Variants in GDPD5 observed in about 807,000 individuals in gnomAD.
The protein encoded by GDPD5 is glycerophosphodiester phosphodiesterase domain containing 5.
In GDPD5, 48 loss-of-function variants were observed where a neutral mutation model predicts 75.1. The observed-to-expected ratio is 0.64, with a 90% CI of 0.51 to 0.81. The LOEUF (loss-of-function observed/expected upper bound fraction) is 0.81. Ranked by LOEUF, GDPD5 falls within the 40% of genes least tolerant of loss-of-function variation. The pLI is 0.00. For missense variants in GDPD5, 706 were observed against 822.6 expected, an observed-to-expected ratio of 0.86 and a Z score of 1.73; for synonymous variants, 336 against 339.0, an observed-to-expected ratio of 0.99 and a Z score of 0.10.
intron 1 of GDPD5, among the ~76,000 whole-genome samples, chr11:75,524,318 C>T (rs958149737): frequency 2.6e-5 from 4 of 152,238 alleles, no homozygotes; most frequent in African/African-American, 9.6e-5. Context: ...CATACATGGT[C>T]GCCCAGATCT....
chr11:75,507,160 C>T (rs1474196210), intron 1 of GDPD5: 1 of 152,434 alleles, frequency 6.6e-6, no homozygotes, highest in African/African-American at 2.4e-5. Context: ...CCCACCAATG[C>T]CAGACGCTGC....
chr11:75,480,444 G>C (rs1949886074), intron 2 of GDPD5, among the ~76,000 whole-genome samples: 1 of 152,112 alleles, frequency 6.6e-6, no homozygotes, highest in African/African-American at 2.4e-5. Context: ...GGCCACCTCA[G>C]ACTCCAGGGC....
chr11:75,520,447 C>G (rs1950733619), intron 1 of GDPD5, among the ~76,000 whole-genome samples: 1 of 152,174 alleles, frequency 6.6e-6, no homozygotes, highest in Admixed American at 6.5e-5. Context: ...GGGTGTGGCT[C>G]TGTGCCAGGC....
chr11:75,439,075 G>T (rs1948709462), intron 15 of GDPD5, among the ~76,000 whole-genome samples: 1 of 152,190 alleles, frequency 6.6e-6, no homozygotes, highest in Non-Finnish European at 1.5e-5. Flanking sequence ...AGAGGGGCCA[G>T]GTCAGGAAGC....
At chr11:75,437,319 C>T (rs2135115465) in intron 15 of GDPD5, 1 of 473,802 alleles carries the variant, frequency 2.1e-6, no homozygotes, top group Non-Finnish European at 3.8e-6. Context: ...TTAGTTCTGT[C>T]TCAGGTGTCC....
intron 2 of GDPD5, among the ~76,000 whole-genome samples, chr11:75,482,421 G>A (rs545377499): frequency 6.6e-6 from 1 of 152,232 alleles, no homozygotes; most frequent in East Asian, 1.9e-4. Context: ...GCCTCTGATC[G>A]AGATAGCCAG....
chr11:75,436,839 C>T (rs1239764594), intron 16 of GDPD5, 97 bp downstream of exon 16: 2 of 876,746 alleles, frequency 2.3e-6, no homozygotes, highest in African/African-American at 3.3e-5. Flanking sequence ...CCCATATGTG[C>T]CACATGTGAA....
intron 9 of GDPD5, among the ~76,000 whole-genome samples, chr11:75,446,266 G>A (rs1394937934): frequency 6.6e-6 from 1 of 152,236 alleles, no homozygotes; most frequent in Non-Finnish European, 1.5e-5. Context: ...ACACAGTTAA[G>A]TTCTCTCTGG....
intron 6 of GDPD5, among the ~76,000 whole-genome samples, chr11:75,453,616 TAAA>T (rs59758693): frequency 7.3e-6 from 1 of 136,898 alleles, no homozygotes; most frequent in Admixed American, 7.3e-5. Flanking sequence ...AGACTGTCTC[TAAA>T]AAAAAAAAAA....
At chr11:75,459,120 G>GC (rs1949357332) in intron 4 of GDPD5, among the ~76,000 whole-genome samples, 1 of 152,112 alleles carries the variant, frequency 6.6e-6, no homozygotes, top group Non-Finnish European at 1.5e-5. Context: ...TAAAAATCCT[G>GC]AGAAAATGTG....
intron 9 of GDPD5, among the ~76,000 whole-genome samples, chr11:75,445,378 T>A (rs1948959576): frequency 6.6e-6 from 1 of 152,202 alleles, no homozygotes; most frequent in South Asian, 2.1e-4. Flanking sequence ...TCTCTGTGGG[T>A]CTCAGTTTCC....
rs1182555683 is a variant in GDPD5, at chr11:75,503,299, G to A, written c.-144-12979C>T. The stretch of plus-strand genomic sequence containing the variant: ...GCCTCCCAAAGTGCTGGGATTACAG[G>A]CATGAGCCACCACGCCCAGCCATGA... On this transcript the variant is annotated intron_variant, in intron 1 of 16. Transcript: ENST00000336898. Among the ~76,000 whole-genome samples, 213 of 152,332 alleles carry A rather than the reference G, an allele frequency of 1.4e-3. 8 individuals are homozygous for A. Among genetic ancestry groups the A allele is most frequent in the Admixed American group, 0.014 (213 of 15,306 alleles).
chr11:75,471,197 A>G (rs931441279), intron 3 of GDPD5, among the ~76,000 whole-genome samples: 1 of 152,232 alleles, frequency 6.6e-6, no homozygotes, highest in Admixed American at 6.5e-5. Context: ...GTCAGCTGGA[A>G]AGGGTGCAGG....
intron 3 of GDPD5, among the ~76,000 whole-genome samples, chr11:75,463,972 G>A (rs1009123900): frequency 2.0e-5 from 3 of 152,218 alleles, no homozygotes; most frequent in African/African-American, 4.8e-5. Flanking sequence ...GCCGCGGTGC[G>A]CCCGCAGCAT....
rs1565175091 is a variant in GDPD5 at position 75,435,556 on chromosome 11, CG to C, written c.1768del (p.Arg590GlufsTer11). 6.2e-7 allele frequency: 1 copy of C among 1,613,122 alleles called. No individual in the cohort carries two copies. Among genetic ancestry groups the C allele is most frequent in the Non-Finnish European group, 8.5e-7 (1 of 1,179,632 alleles). On this transcript the variant is annotated frameshift_variant, in exon 17 of 17. Transcript: ENST00000336898. LOFTEE classifies it high-confidence loss of function. ...ANSTATPVGP[R>X]GGGSHTKTLI... ...GGTCTTGGTGTGGCTGCCACCCCCT[CG>C]GGGGCCCACAGGGGTGGCGGTGCTG...
chr11:75,436,505 C>T (rs1304353846), intron 16 of GDPD5, among the ~76,000 whole-genome samples: 3 of 147,718 alleles, frequency 2.0e-5, no homozygotes, highest in Admixed American at 6.7e-5. Flanking sequence ...CGCAGGAACT[C>T]GACTTTCCCT....
At chr11:75,491,454 G>A (rs1200598753) in intron 1 of GDPD5, among the ~76,000 whole-genome samples, 3 of 152,178 alleles carry the variant, frequency 2.0e-5, no homozygotes, top group African/African-American at 7.2e-5. Flanking sequence ...CTTGGACCTT[G>A]GAAACCTAGG....
chr11:75,469,443 C>T (rs1488537240), intron 3 of GDPD5, among the ~76,000 whole-genome samples: 1 of 152,184 alleles, frequency 6.6e-6, no homozygotes, highest in Non-Finnish European at 1.5e-5. Flanking sequence ...ACAAAGGGCA[C>T]ACATAATGGT....
At chr11:75,461,081 T>A (rs1187855968) in intron 4 of GDPD5, among the ~76,000 whole-genome samples, 1 of 152,162 alleles carries the variant, frequency 6.6e-6, no homozygotes, top group Admixed American at 6.5e-5. Context: ...CTCTTCAGTC[T>A]GTCCTCAATT....
Sources: gnomAD v4.1 joint callset for allele counts (sites outside exome capture counted in the v4.1 genomes callset) on GRCh38, gnomAD v4.1.1 for gene constraint, MANE v1.5 for transcripts, NCBI Gene and HGNC (gene_info 2026-07-23, HGNC 2026-07-21) for gene names.